Variants in PALLD observed in about 807,000 individuals in gnomAD.
PALLD encodes palladin.
PALLD carries 61 observed loss-of-function variants against 123.5 expected under a neutral mutation model. The ratio of observed to expected loss-of-function variants is 0.49; its 90% CI spans 0.40 to 0.61. PALLD has a LOEUF of 0.61. PALLD is among the 20% of genes least tolerant of loss of function. PALLD has a pLI of 0.00. For synonymous variants in PALLD, 465 were observed against 496.4 expected, an observed-to-expected ratio of 0.94 and a Z score of 0.84; for missense variants, 1,273 against 1,377.0, an observed-to-expected ratio of 0.92 and a Z score of 1.20.
chr4:168,696,911 T>C (rs1313801217), intron 8 of PALLD, among the ~76,000 whole-genome samples: 3 of 152,136 alleles, frequency 2.0e-5, no homozygotes, highest in Admixed American at 1.3e-4. Flanking sequence ...ATGAAATAAT[T>C]TTTTTAAAGT....
intron 2 of PALLD, among the ~76,000 whole-genome samples, chr4:168,588,361 G>T (rs1771054485): frequency 6.6e-6 from 1 of 151,996 alleles, no homozygotes; most frequent in Non-Finnish European, 1.5e-5. Context: ...CCCTCAGATG[G>T]TTGTCTGCAG....
rs1290475715 is a variant in PALLD at position 168,869,294 on chromosome 4, T to C, written c.1965-21628T>C. Among the ~76,000 whole-genome samples the C allele has an allele frequency of 6.6e-6, 1 of 152,116 alleles. No homozygotes were observed. The highest frequency in any genetic ancestry group is 1.5e-5 in the Non-Finnish European group (1 of 68,030). Reference sequence around the variant, plus strand: ...GTAATAATCAAGAAGATAGAACACATCTGGCTCTGGGCGATCTGGGCTGGT... The same window carrying C: ...GTAATAATCAAGAAGATAGAACACACCTGGCTCTGGGCGATCTGGGCTGGT... On this transcript the variant is annotated intron_variant, in intron 10 of 21. Transcript: ENST00000505667. This position sits in a 1 kb window ranked among gnomAD's most constrained non-coding sequence, Gnocchi z 4.5.
intron 10 of PALLD, among the ~76,000 whole-genome samples, chr4:168,852,283 C>A (rs748290680): frequency 2.6e-5 from 4 of 152,194 alleles, no homozygotes; most frequent in Admixed American, 6.5e-5. Flanking sequence ...CCACACTGTA[C>A]TTGCTGGCTT....
intron 10 of PALLD, among the ~76,000 whole-genome samples, chr4:168,792,879 A>T (rs1581493915): frequency 6.7e-6 from 1 of 149,288 alleles, no homozygotes; most frequent in East Asian, 2.0e-4. Flanking sequence ...CGATTCTTCT[A>T]CCTCAGCCTC....
chr4:168,568,181 CA>C (rs140861490), intron 2 of PALLD, among the ~76,000 whole-genome samples: 14,257 of 151,560 alleles, frequency 0.094, 934 homozygotes, highest in South Asian at 0.17. Context: ...AAATATATAG[CA>C]AAAAAATCAT....
chr4:168,641,172 C>G (rs1776906579), intron 2 of PALLD, among the ~76,000 whole-genome samples: 6 of 149,734 alleles, frequency 4.0e-5, no homozygotes, highest in Admixed American at 4.0e-4. Flanking sequence ...TGCACCACGG[C>G]ACTCCAGCCT....
chr4:168,862,037 G>T (rs1230801575), intron 10 of PALLD, among the ~76,000 whole-genome samples: 1 of 152,036 alleles, frequency 6.6e-6, no homozygotes, highest in Non-Finnish European at 1.5e-5. Context: ...GTTTGGAGGG[G>T]TTTTTTGTTT....
intron 2 of PALLD, among the ~76,000 whole-genome samples, chr4:168,616,090 T>C (rs1234445581): frequency 9.9e-5 from 15 of 152,154 alleles, no homozygotes; most frequent in Admixed American, 9.8e-4. Flanking sequence ...TTAAACTGGG[T>C]TGTATTCAAG....
At chr4:168,791,198 C>T (rs1737473000) in intron 10 of PALLD, among the ~76,000 whole-genome samples, 1 of 152,170 alleles carries the variant, frequency 6.6e-6, no homozygotes, top group Admixed American at 6.5e-5. Flanking sequence ...CTCTGCCTGG[C>T]CAAAGCCCCA....
At chr4:168,792,766 CTTTT>C (rs1293484507) in intron 10 of PALLD, among the ~76,000 whole-genome samples, 1 of 150,684 alleles carries the variant, frequency 6.6e-6, no homozygotes, top group Non-Finnish European at 1.5e-5. Context: ...CTTTTTTTTT[CTTTT>C]TTTGTTTTTT....
chr4:168,909,941 G>A (rs964324733), intron 15 of PALLD, among the ~76,000 whole-genome samples: 1 of 152,140 alleles, frequency 6.6e-6, no homozygotes, highest in Admixed American at 6.5e-5. Context: ...TCCTGGTTAT[G>A]TATTGGTTAG....
At chr4:168,653,046 A>G (rs534323880) in intron 2 of PALLD, among the ~76,000 whole-genome samples, 2 of 152,332 alleles carry the variant, frequency 1.3e-5, no homozygotes, top group African/African-American at 4.8e-5. Flanking sequence ...GGAATCATCC[A>G]TCTAGTTCTT....
intron 6 of PALLD, 147 bp from the exon 7 acceptor site, chr4:168,690,456 A>T: frequency 1.1e-6 from 1 of 949,064 alleles, no homozygotes; most frequent in Admixed American, 1.7e-5. Context: ...TACCTGAGTC[A>T]GTGCTAATTA....
intron 15 of PALLD, among the ~76,000 whole-genome samples, chr4:168,906,870 A>G (rs1396419241): frequency 1.3e-5 from 2 of 152,208 alleles, no homozygotes; most frequent in Non-Finnish European, 2.9e-5. Context: ...CCTTGTTAAC[A>G]TAGGAAAAAA....
rs1561291457 is a variant in PALLD, at chr4:168,600,099, ATG to A, written c.909-68090_909-68089del. On this transcript the variant is annotated intron_variant, in intron 2 of 21. Transcript: ENST00000505667. ...CACACACATATATACATGCATGTGT[ATG>A]CACACATATATATACATACATGTGT... 1.7e-4 allele frequency among the ~76,000 whole-genome samples: 17 copies of A among 98,218 alleles called. 1 individual carries two copies. Among genetic ancestry groups the A allele is most frequent in the African/African-American group, 5.1e-4 (15 of 29,264 alleles). The allele number at this position is 98,218 out of a possible 152,430, so 64.4% of individuals were successfully genotyped here. A position where few individuals can be genotyped will look rare whatever the true frequency, so the allele number is the denominator to read the frequency against.
At chr4:168,555,013 CT>C (rs1299326016) in intron 2 of PALLD, among the ~76,000 whole-genome samples, 1 of 151,952 alleles carries the variant, frequency 6.6e-6, no homozygotes, top group East Asian at 1.9e-4. Flanking sequence ...TTTTTTGTTT[CT>C]ATTTTTGTAT....
At chr4:168,770,952 TGA>T (rs1259031785) in intron 10 of PALLD, among the ~76,000 whole-genome samples, 1 of 151,882 alleles carries the variant, frequency 6.6e-6, no homozygotes, top group Non-Finnish European at 1.5e-5. Flanking sequence ...CCCAACTACT[TGA>T]GAGGCTGAGG....
chr4:168,815,596 G>A (rs1414502544), intron 10 of PALLD, among the ~76,000 whole-genome samples: 1 of 148,766 alleles, frequency 6.7e-6, no homozygotes, highest in Non-Finnish European at 1.5e-5. Context: ...CGACTGAATG[G>A]TAACAAGGCA....
chr4:168,772,472 A>T lies in PALLD; in HGVS notation c.1964+60549A>T, dbSNP rs549306900. Among the ~76,000 whole-genome samples, 8 of 152,328 alleles carry T rather than the reference A, an allele frequency of 5.3e-5. No homozygotes were observed. In the South Asian group the frequency reaches 1.7e-3, roughly 32 times the overall value. On this transcript the variant is annotated intron_variant, in intron 10 of 21. Coordinates refer to ENST00000505667, the MANE Select transcript of PALLD (RefSeq NM_001166108.2). ...AAAAAGCACAAACAGCCCCAGAGTG[A>T]TGATGCCCAAAACTTAAATGACCAC... is the stretch of plus-strand genomic sequence containing the variant.
Sources: gnomAD v4.1 joint callset for allele counts (sites outside exome capture counted in the v4.1 genomes callset) on GRCh38, gnomAD v4.1.1 for gene constraint, Gnocchi (gnomAD v3.1) non-coding constraint, MANE v1.5 for transcripts, NCBI Gene and HGNC (gene_info 2026-07-23, HGNC 2026-07-21) for gene names.